Variants in TET3 observed in about 807,000 individuals in gnomAD.
The protein encoded by TET3 is methylcytosine dioxygenase TET3.
In TET3, 19 loss-of-function variants were observed where a neutral mutation model predicts 141.4. The observed-to-expected ratio is 0.13, with a 90% confidence interval of 0.09 to 0.20. The LOEUF is 0.20. TET3 is among the 10% of genes least tolerant of loss of function. TET3 has a pLI of 1.00. For missense variants in TET3, 1,874 were observed against 2,356.9 expected, an observed-to-expected ratio of 0.80 and a Z score of 4.24; for synonymous variants, 1,043 against 980.9, an observed-to-expected ratio of 1.06 and a Z score of -1.18.
In TET3 at chr2:74,036,415, T is replaced by A. The variant is rs552751476; in HGVS notation, c.361-9863T>A. ...AGAAGAAATATAAAATTTAAAACCA[T>A]CTCCCTATTGTTGGGGCACTCAGGT... is the stretch of plus-strand genomic sequence containing the variant. On this transcript the variant is annotated intron_variant, in intron 3 of 11. Coordinates refer to ENST00000409262, the MANE Select transcript of TET3 (RefSeq NM_001287491.2). Among the ~76,000 whole-genome samples the A allele has an allele frequency of 2.2e-3, 340 of 152,356 alleles. 1 individual carries two copies. The highest frequency in any genetic ancestry group is 7.6e-3 in the African/African-American group (317 of 41,584).
intron 4 of TET3, among the ~76,000 whole-genome samples, chr2:74,059,323 G>T (rs1688376903): frequency 6.6e-6 from 1 of 152,210 alleles, no homozygotes; most frequent in African/African-American, 2.4e-5. Flanking sequence ...TGCAATATCG[G>T]CTTACTGCAA....
At chr2:74,066,246 C>T (rs1258231991) in intron 4 of TET3, among the ~76,000 whole-genome samples, 1 of 152,114 alleles carries the variant, frequency 6.6e-6, no homozygotes, top group East Asian at 1.9e-4. Context: ...TTTGTATCTC[C>T]TTTATGTTAT....
At chr2:74,065,877 G>C (rs1460942981) in intron 4 of TET3, among the ~76,000 whole-genome samples, 3 of 151,926 alleles carry the variant, frequency 2.0e-5, no homozygotes, top group Non-Finnish European at 4.4e-5. Flanking sequence ...TCCTGCCTCA[G>C]CCTCCTGAGT....
chr2:73,985,667 G>GC (rs1683986216), intron 1 of TET3, among the ~76,000 whole-genome samples: 1 of 152,100 alleles, frequency 6.6e-6, no homozygotes, highest in Admixed American at 6.5e-5. Flanking sequence ...GCGGCCTCCA[G>GC]CCAGGGCGTG....
Position 74,084,773 on chromosome 2 carries a change from T to G in TET3, c.2680-3057T>G, listed in dbSNP as rs534392528. Among the ~76,000 whole-genome samples, 12 of 152,110 alleles carry G rather than the reference T, an allele frequency of 7.9e-5. No individual in the cohort carries two copies. In the South Asian group the frequency reaches 2.5e-3, roughly 32 times the overall value. ...CAGCCCAGTGAGACCCCGTTTCTAC[T>G]AAAAATACAAAAAATTAGCCAGGCG... On this transcript the variant is annotated intron_variant, in intron 6 of 11. Transcript: ENST00000409262.
intron 3 of TET3, among the ~76,000 whole-genome samples, chr2:74,035,776 C>T (rs1381234225): frequency 1.3e-5 from 2 of 150,360 alleles, no homozygotes; most frequent in African/African-American, 4.9e-5. Context: ...CTTTGGGAGG[C>T]CGAGGTGGGT....
At chr2:73,990,559 A>G (rs991535124) in intron 2 of TET3, among the ~76,000 whole-genome samples, 1 of 152,204 alleles carries the variant, frequency 6.6e-6, no homozygotes, top group African/African-American at 2.4e-5. Context: ...AATAACTATT[A>G]GAGTAGGAGA....
intron 4 of TET3, among the ~76,000 whole-genome samples, chr2:74,062,481 T>C (rs1329963601): frequency 6.6e-6 from 1 of 152,240 alleles, no homozygotes; most frequent in South Asian, 2.1e-4. Flanking sequence ...CATCTTAACA[T>C]GTAGCAGAGG....
chr2:74,131,579 C>T, the TET3 span, among the ~76,000 whole-genome samples: 2 of 152,286 alleles, frequency 1.3e-5, no homozygotes, highest in African/African-American at 4.8e-5. Flanking sequence ...TACAGGAACC[C>T]AGGAACAAAA....
chr2:74,017,015 G>A (rs1685764335), intron 3 of TET3, among the ~76,000 whole-genome samples: 1 of 152,032 alleles, frequency 6.6e-6, no homozygotes, highest in African/African-American at 2.4e-5. Flanking sequence ...ACCAAGCACA[G>A]TGGCACACTC....
chr2:74,090,600 G>C (rs956648916), intron 8 of TET3, among the ~76,000 whole-genome samples: 1 of 152,212 alleles, frequency 6.6e-6, no homozygotes, highest in Non-Finnish European at 1.5e-5. Flanking sequence ...ATGACCGCTA[G>C]GCACGGCACC....
At chr2:73,999,012 G>A (rs935105741) in intron 2 of TET3, among the ~76,000 whole-genome samples, 3 of 152,136 alleles carry the variant, frequency 2.0e-5, no homozygotes, top group South Asian at 2.1e-4. Flanking sequence ...TGTTAGAAGC[G>A]CCGTTGGTTG....
At chr2:74,067,269 C>T (rs1688955757) in intron 4 of TET3, among the ~76,000 whole-genome samples, 1 of 152,240 alleles carries the variant, frequency 6.6e-6, no homozygotes, top group South Asian at 2.1e-4. Flanking sequence ...TGGTACCTTG[C>T]ATCTCACCTG....
intron 6 of TET3, among the ~76,000 whole-genome samples, chr2:74,084,224 A>G (rs1689987305): frequency 6.6e-6 from 1 of 152,252 alleles, no homozygotes; most frequent in Non-Finnish European, 1.5e-5. Flanking sequence ...AAATTCCGGC[A>G]CATGCTACAA....
chr2:74,122,509 A>ATTTTT, the TET3 span: 3 of 76,242 alleles, frequency 3.9e-5, no homozygotes, highest in African/African-American at 5.7e-5. Context: ...ATATATATAT[A>ATTTTT]TATTTTTTTT....
At chr2:74,027,555 C>A (rs1260254262) in intron 3 of TET3, among the ~76,000 whole-genome samples, 2 of 152,098 alleles carry the variant, frequency 1.3e-5, no homozygotes, top group Non-Finnish European at 2.9e-5. Context: ...CCCCTGGCAA[C>A]CACTTATCTT....
intron 3 of TET3, among the ~76,000 whole-genome samples, chr2:74,042,520 A>C (rs554324683): frequency 6.6e-5 from 10 of 152,240 alleles, no homozygotes; most frequent in Non-Finnish European, 1.5e-4. Context: ...CATTAACACC[A>C]TATAGGCAAG....
At chr2:74,068,219 A>T (rs970001654) in intron 4 of TET3, among the ~76,000 whole-genome samples, 1 of 152,072 alleles carries the variant, frequency 6.6e-6, no homozygotes, top group African/African-American at 2.4e-5. Flanking sequence ...ACTGGAACAC[A>T]GCTGAACTCA....
At chr2:74,074,673 AT>A (rs1251983405) in intron 5 of TET3, among the ~76,000 whole-genome samples, 3 of 152,236 alleles carry the variant, frequency 2.0e-5, no homozygotes, top group African/African-American at 7.2e-5. Context: ...AAGTTTTCTT[AT>A]CTGCAAAATA....
Sources: gnomAD v4.1 joint callset for allele counts (sites outside exome capture counted in the v4.1 genomes callset) on GRCh38, gnomAD v4.1.1 for gene constraint, MANE v1.5 for transcripts, NCBI Gene and HGNC (gene_info 2026-07-23, HGNC 2026-07-21) for gene names.